Variants in SCN8A observed in about 807,000 individuals in gnomAD.
SCN8A encodes sodium voltage-gated channel alpha subunit 8, also known as sodium channel protein type 8 subunit alpha.
In SCN8A, 30 loss-of-function variants were observed where a neutral mutation model predicts 184.1. The ratio of observed to expected loss-of-function variants is 0.16; its 90% CI spans 0.12 to 0.22. The LOEUF is 0.22. Among genes scored for constraint, SCN8A ranks in the 10% least tolerant of loss-of-function variants. The pLI, the probability that SCN8A is intolerant of heterozygous loss-of-function variation, is 1.00. For synonymous variants in SCN8A, 852 were observed against 907.0 expected (o/e 0.94, Z 1.09); for missense variants, 1,057 against 2,498.9 (o/e 0.42, Z 12.30).
chr12:51,674,204 T>C (rs1236671687), intron 2 of SCN8A, among the ~76,000 whole-genome samples: 1 of 152,224 alleles, frequency 6.6e-6, no homozygotes, highest in Non-Finnish European at 1.5e-5. Flanking sequence ...AAATAACCTT[T>C]GGGACCCATT....
chr12:51,711,409 A>G (rs1012079182), intron 11 of SCN8A, among the ~76,000 whole-genome samples: 6 of 152,256 alleles, frequency 3.9e-5, no homozygotes, highest in African/African-American at 1.4e-4. Flanking sequence ...GGATAGTAGT[A>G]TTCTTTGTCC....
At chr12:51,729,329 C>T (rs1017714208) in intron 12 of SCN8A, among the ~76,000 whole-genome samples, 1 of 152,136 alleles carries the variant, frequency 6.6e-6, no homozygotes, top group Non-Finnish European at 1.5e-5. Flanking sequence ...CTCTCCTACC[C>T]GTTTCTAATC....
At chr12:51,796,161 G>C (rs1273286124) in intron 26 of SCN8A, among the ~76,000 whole-genome samples, 2 of 152,078 alleles carry the variant, frequency 1.3e-5, no homozygotes, top group Non-Finnish European at 2.9e-5. Context: ...TATGTGCCAG[G>C]TACCATAATA....
intron 9 of SCN8A, among the ~76,000 whole-genome samples, chr12:51,703,522 A>G (rs1027336528): frequency 6.6e-6 from 1 of 152,240 alleles, no homozygotes; most frequent in Non-Finnish European, 1.5e-5. Context: ...GGAGTATATC[A>G]ACATTTTTGA....
intron 12 of SCN8A, among the ~76,000 whole-genome samples, chr12:51,739,143 T>C (rs1942377491): frequency 6.6e-6 from 1 of 152,220 alleles, no homozygotes; most frequent in Admixed American, 6.5e-5. Context: ...GCTGATTTTT[T>C]CTACATTCTT....
intron 20 of SCN8A, among the ~76,000 whole-genome samples, chr12:51,776,996 T>C (rs991604777): frequency 6.6e-6 from 1 of 152,356 alleles, no homozygotes; most frequent in Admixed American, 6.5e-5. Context: ...TTTGCTCAGG[T>C]CCTTGGCTGC....
At chr12:51,674,084 CAT>C (rs945428428) in intron 2 of SCN8A, among the ~76,000 whole-genome samples, 87 of 152,224 alleles carry the variant, frequency 5.7e-4, no homozygotes, top group African/African-American at 1.9e-3. Context: ...GTAACTGAAG[CAT>C]AGAGTGTGGT....
intron 11 of SCN8A, among the ~76,000 whole-genome samples, chr12:51,714,971 G>C (rs1941941679): frequency 2.0e-5 from 3 of 152,180 alleles, no homozygotes; most frequent in Admixed American, 2.0e-4. Context: ...AGGATCCCAG[G>C]ATTTAATAGA....
intron 1 of SCN8A, among the ~76,000 whole-genome samples, chr12:51,619,642 C>T (rs995271996): frequency 1.3e-5 from 2 of 152,078 alleles, no homozygotes; most frequent in Non-Finnish European, 2.9e-5. Flanking sequence ...AAGTCTTTTA[C>T]CAAAATTATG....
intron 1 of SCN8A, among the ~76,000 whole-genome samples, chr12:51,617,721 G>A (rs1348175076): frequency 6.6e-6 from 1 of 152,176 alleles, no homozygotes; most frequent in Non-Finnish European, 1.5e-5. Flanking sequence ...ATCATATAGA[G>A]AATGTTTCTT....
chr12:51,608,527 A>G (rs568991117), intron 1 of SCN8A, among the ~76,000 whole-genome samples: 2 of 152,272 alleles, frequency 1.3e-5, no homozygotes, highest in East Asian at 3.9e-4. Context: ...TTATGTGCGT[A>G]AAAGTGTTCA....
intron 6 of SCN8A, among the ~76,000 whole-genome samples, chr12:51,692,878 C>T (rs967784764): frequency 1.2e-4 from 19 of 152,214 alleles, no homozygotes; most frequent in Non-Finnish European, 2.5e-4. Flanking sequence ...GAGAGAAACT[C>T]ACTTGTCAGT....
chr12:51,704,670 C>CAA lies in SCN8A; in HGVS notation c.1135-729_1135-728dup, dbSNP rs34946747. Among the ~76,000 whole-genome samples the CAA allele has an allele frequency of 1.2e-3, 114 of 93,076 alleles. 1 individual carries two copies. Among genetic ancestry groups the CAA allele is most frequent in the African/African-American group, 4.0e-3 (85 of 21,060 alleles). The allele number at this position is 93,076 out of a possible 152,430, so 61.1% of individuals were successfully genotyped here. A position where few individuals can be genotyped will look rare whatever the true frequency, so the allele number is the denominator to read the frequency against. On this transcript the variant is annotated intron_variant, in intron 9 of 26. Transcript: ENST00000627620. ...GGGTGACAGAGCAAGACTCCACCTA[C>CAA]AAAAAAAAAAAAAAAAAAATGGGTC...
rs1942777853 is a variant in SCN8A, at chr12:51,762,545, A to G, written c.2413A>G (p.Ile805Val). Residue 805 changes from isoleucine to valine, a missense_variant, in exon 15 of 27, where the codon ATA (isoleucine) becomes GTA (valine). Physicochemically the swap from Ile to Val is conservative, Grantham distance 29. This residue lies in a region of SCN8A where 66 missense variants were observed against 310.6 expected (regional missense o/e 0.21). Transcript: ENST00000627620. ...CACAGCGGAAATGTTCCTGAAGCTC[A>G]TAGCCATGGATCCCTACTATTATTT... The part of the protein sequence containing the change: ...IFTAEMFLKL[I>V]AMDPYYYFQE... The G allele has an allele frequency of 1.2e-6, 2 of 1,613,820 alleles. No homozygotes were observed. The highest frequency in any genetic ancestry group is 2.2e-5 in the South Asian group (2 of 91,038).
intron 11 of SCN8A, among the ~76,000 whole-genome samples, chr12:51,716,088 C>T (rs1357588004): frequency 6.6e-6 from 1 of 152,216 alleles, no homozygotes; most frequent in South Asian, 2.1e-4. Context: ...AATCTCAGCA[C>T]TTTGGGAGGC....
chr12:51,604,266 A>G (rs1447788619), intron 1 of SCN8A, among the ~76,000 whole-genome samples: 1 of 151,898 alleles, frequency 6.6e-6, no homozygotes, highest in Non-Finnish European at 1.5e-5. Context: ...GTTTATTTTT[A>G]TTTTTTTGCT....
intron 1 of SCN8A, among the ~76,000 whole-genome samples, chr12:51,644,952 C>T (rs550761192): frequency 1.3e-5 from 2 of 150,978 alleles, no homozygotes; most frequent in South Asian, 4.2e-4. Flanking sequence ...GTGAGGAGCC[C>T]CTCCGCCCAG....
intron 2 of SCN8A, among the ~76,000 whole-genome samples, chr12:51,669,919 T>A (rs1187435111): frequency 6.6e-6 from 1 of 152,240 alleles, no homozygotes; most frequent in East Asian, 1.9e-4. Context: ...TAGGTGTGAT[T>A]TGAAGTATTG....
chr12:51,688,666 C>T, intron 5 of SCN8A: 1 of 815,572 alleles, frequency 1.2e-6, no homozygotes, highest in Non-Finnish European at 2.1e-6. Context: ...AAAAATGAAA[C>T]CATAGCTTGT....
Sources: gnomAD v4.1 joint callset for allele counts (sites outside exome capture counted in the v4.1 genomes callset) on GRCh38, gnomAD v4.1.1 for gene constraint, gnomAD v4.1.1 regional missense constraint, MANE v1.5 for transcripts, NCBI Gene and HGNC (gene_info 2026-07-23, HGNC 2026-07-21) for gene names.